The following CYP11A1 variants were observed in gnomAD, a reference collection of about 807,000 sequenced individuals.
CYP11A1 encodes the protein cholesterol side-chain cleavage enzyme, mitochondrial.
In CYP11A1, 25 loss-of-function variants were observed where a neutral mutation model predicts 51.9. The ratio of observed to expected loss-of-function variants is 0.48; its 90% confidence interval spans 0.35 to 0.67. CYP11A1 has a LOEUF of 0.67. Ranked by LOEUF, CYP11A1 falls within the 30% of genes least tolerant of loss-of-function variation. The probability of loss-of-function intolerance (pLI) is 0.00; values close to 1 mark genes in which losing one functional copy is unlikely to be tolerated. For missense variants in CYP11A1, 578 were observed against 680.9 expected, an observed-to-expected ratio of 0.85 and a Z score of 1.68; for synonymous variants, 245 against 262.1, an observed-to-expected ratio of 0.93 and a Z score of 0.63.
At chr15:74,353,011 G>A (rs2060662866) in intron 1 of CYP11A1, among the ~76,000 whole-genome samples, 1 of 152,116 alleles carries the variant, frequency 6.6e-6, no homozygotes, top group Admixed American at 6.5e-5. Flanking sequence ...ATCTATAAAT[G>A]CCCATATCTG....
intron 1 of CYP11A1, among the ~76,000 whole-genome samples, chr15:74,364,882 T>C (rs796836904): frequency 1.8e-4 from 27 of 152,220 alleles, no homozygotes; most frequent in African/African-American, 5.8e-4. Context: ...GCACTCAACC[T>C]TGAATAGGGT....
intron 1 of CYP11A1, among the ~76,000 whole-genome samples, chr15:74,352,264 C>CTTTTTTTT (rs34304260): frequency 5.8e-5 from 5 of 86,082 alleles, no homozygotes; most frequent in Non-Finnish European, 1.1e-4. Context: ...TCTTTGCTAT[C>CTTTTTTTT]TTTTTTTTTT....
chr15:74,351,242 A>T (rs2060654964), intron 1 of CYP11A1, among the ~76,000 whole-genome samples: 1 of 152,012 alleles, frequency 6.6e-6, no homozygotes, highest in Admixed American at 6.6e-5. Context: ...TTGGAAATTG[A>T]GGCTGGGGTC....
rs1057073202 is a variant in CYP11A1 at position 74,345,308 on chromosome 15, G to A, written c.426-65C>T. 7.0e-6 allele frequency: 11 copies of A among 1,572,136 alleles called. No homozygotes were observed. Among genetic ancestry groups the A allele is most frequent in the East Asian group, 4.5e-5 (2 of 44,080 alleles). On this transcript the variant is annotated intron_variant, in intron 2 of 8. Transcript: ENST00000268053. This position sits in a 1 kb window ranked among gnomAD's most constrained non-coding sequence, Gnocchi z 4.3. ...CCCCAGGCCTGGTGAACACAGAGGG[G>A]GCTGACTCAGTTTTCCCAGGAAGCT... is the stretch of plus-strand genomic sequence containing the variant.
intron 1 of CYP11A1, among the ~76,000 whole-genome samples, chr15:74,357,799 G>A (rs939786125): frequency 1.6e-4 from 24 of 152,210 alleles, no homozygotes; most frequent in African/African-American, 5.8e-4. Context: ...AGCTGTCGCT[G>A]CTTTAATACT....
rs561702564 is a variant in CYP11A1 at position 74,357,917 on chromosome 15, C to T, written c.269+9400G>A. Among the ~76,000 whole-genome samples the T allele has an allele frequency of 5.9e-5, 9 of 152,314 alleles. No homozygotes were observed. In the South Asian group the frequency reaches 6.2e-4, roughly 11 times the overall value. ...CACCTGATGCATATACTTTCTGCCC[C>T]GCTCCACTACCTCTCAGCAAGCTGA... On this transcript the variant is annotated intron_variant, in intron 1 of 8. Coordinates refer to ENST00000268053, the MANE Select transcript of CYP11A1 (RefSeq NM_000781.3).
At position 74,343,128 on chromosome 15, in the gene CYP11A1, T is replaced by C. The variant is rs1250340884; in HGVS notation, c.839A>G (p.Tyr280Cys). 6.2e-7 allele frequency: 1 copy of C among 1,613,686 alleles called. No homozygotes were observed. The highest frequency in any genetic ancestry group is 1.7e-5 in the Admixed American group (1 of 60,004). The change falls in exon 5 of 9, where the codon TAC becomes TGC. Residue 280 changes from tyrosine (Y) to cysteine (C), a missense_variant. Physicochemically the swap from Tyr to Cys is radical, Grantham distance 194 (BLOSUM62 -2). Transcript: ENST00000268053. ...CAATTCCCAGTAGAAGTTCTGGGTG[T>C]ATATGTCAGCTGTGGGGAAGGAGGA... ...WDVIFSKADI[Y>C]TQNFYWELRQ...
chr15:74,367,108 T>A, intron 1 of CYP11A1: 1 of 614,510 alleles, frequency 1.6e-6, no homozygotes. Context: ...TGGTTTAGAG[T>A]ACTTAAGACA....
At position 74,337,964 on chromosome 15, in the gene CYP11A1, C is replaced by A; in HGVS notation, c.*8G>T. On this transcript the variant is annotated 3_prime_UTR_variant, in exon 9 of 9. Transcript: ENST00000268053. ...TCCTCCCATGTGGCTGCAGGCCATC[C>A]TCTCTGATCACTGCTGGGTTGCTTC... 6.2e-7 allele frequency: 1 copy of A among 1,613,824 alleles called. No individual in the cohort carries two copies. The highest frequency in any genetic ancestry group is 8.5e-7 in the Non-Finnish European group (1 of 1,180,022).
intron 6 of CYP11A1, 114 bp from the exon 7 acceptor site, chr15:74,339,429 G>C (rs1036035125): frequency 1.4e-6 from 2 of 1,399,528 alleles, no homozygotes; most frequent in African/African-American, 2.8e-5. Flanking sequence ...GGGGGACCTG[G>C]GGGTAGGGCC....
At chr15:74,339,526 C>T (rs754662184) in intron 6 of CYP11A1, 61 bp downstream of exon 6, 143 of 1,591,380 alleles carry the variant, frequency 9.0e-5, no homozygotes, top group Non-Finnish European at 2.7e-5. Flanking sequence ...TTTCCCCGGG[C>T]ACTTCCCTGG....
intron 7 of CYP11A1, 90 bp from the exon 8 acceptor site, chr15:74,338,858 C>T: frequency 8.9e-7 from 1 of 1,128,398 alleles, no homozygotes; most frequent in Non-Finnish European, 1.3e-6. Flanking sequence ...TGCCCTCTCA[C>T]CACCACTCCC....
chr15:74,344,317 C>T (rs1183096684), intron 3 of CYP11A1, among the ~76,000 whole-genome samples: 3 of 152,202 alleles, frequency 2.0e-5, no homozygotes, highest in African/African-American at 2.4e-5. Flanking sequence ...AAGAGAGATT[C>T]CTCATCTGTA....
intron 5 of CYP11A1, 98 bp downstream of exon 5, chr15:74,342,879 C>T (rs1164874705): frequency 5.7e-5 from 71 of 1,246,188 alleles, no homozygotes; most frequent in Non-Finnish European, 7.9e-5. Flanking sequence ...TGAGTAGGAA[C>T]GCCTTGAACA....
chr15:74,352,034 G>C (rs1156537707), intron 1 of CYP11A1, among the ~76,000 whole-genome samples: 1 of 152,102 alleles, frequency 6.6e-6, no homozygotes, highest in African/African-American at 2.4e-5. Flanking sequence ...GTCTAGATGT[G>C]TTTATTTGTA....
At chr15:74,367,290 T>C (rs1188047643) in intron 1 of CYP11A1, 27 bp downstream of exon 1, 1 of 1,613,760 alleles carries the variant, frequency 6.2e-7, no homozygotes, top group Non-Finnish European at 8.5e-7. Context: ...CCCTGTCCCT[T>C]CGGCTCCCAC....
Position 74,359,356 on chromosome 15 carries a change from T to C in CYP11A1, c.269+7961A>G, listed in dbSNP as rs373398548. On this transcript the variant is annotated intron_variant, in intron 1 of 8. Transcript: ENST00000268053. ...CCCAACACTTCAACACTATTTTATGTTATTTTTCTTACTAATATAAGAAGA... is the reference window on the plus strand; with the variant it reads ...CCCAACACTTCAACACTATTTTATGCTATTTTTCTTACTAATATAAGAAGA... 3.1e-4 allele frequency among the ~76,000 whole-genome samples: 47 copies of C among 152,298 alleles called. 1 individual carries two copies. In the South Asian group the frequency reaches 3.3e-3, roughly 11 times the overall value.
In CYP11A1 at chr15:74,345,152, C is replaced by T. The variant is rs752253559; in HGVS notation, c.517G>A (p.Ala173Thr). ...ATKNFLPLLDAVSRDFVSVLH... is the reference protein window; with the variant it reads ...ATKNFLPLLDTVSRDFVSVLH... ...ACACTGACGAAGTCCCGAGACACTG[C>T]ATCCAACAGGGGCAAAAAGTTCTTG... Residue 173 changes from alanine to threonine, a missense_variant, in exon 3 of 9, where the codon GCA (alanine) becomes ACA (threonine). Coordinates refer to ENST00000268053, the MANE Select transcript of CYP11A1 (RefSeq NM_000781.3). The surrounding 1 kb of genome is among the most constrained non-coding windows in gnomAD (Gnocchi z 4.3). 5.0e-6 allele frequency: 8 copies of T among 1,614,218 alleles called. No homozygotes were observed. Among genetic ancestry groups the T allele is most frequent in the Non-Finnish European group, 6.8e-6 (8 of 1,180,040 alleles).
intron 1 of CYP11A1, among the ~76,000 whole-genome samples, chr15:74,358,013 G>T (rs149467052): frequency 0.022 from 3,338 of 152,268 alleles, 89 homozygotes; most frequent in African/African-American, 0.066. Context: ...TGACTCTAAA[G>T]ATGCCTTCCA....
Sources: allele counts gnomAD v4.1 joint callset (sites outside exome capture counted in the v4.1 genomes callset), GRCh38; gene constraint gnomAD v4.1.1; non-coding constraint Gnocchi (gnomAD v3.1); transcripts MANE v1.5; gene names NCBI Gene and HGNC (gene_info 2026-07-23, HGNC 2026-07-21).